The following RAD51 variants were observed in gnomAD, a reference collection of about 807,000 sequenced individuals.
The protein encoded by RAD51 is RAD51 recombinase, also known as DNA repair protein RAD51 homolog 1.
In RAD51, 14 loss-of-function variants were observed where a neutral mutation model predicts 41.5. That is an observed-to-expected ratio of 0.34 (90% CI 0.22 to 0.53). The LOEUF is 0.53. RAD51 is among the 20% of genes least tolerant of loss of function. RAD51 has a pLI of 0.95. For missense variants in RAD51, 234 were observed against 422.0 expected, an observed-to-expected ratio of 0.55 and a Z score of 3.90; for synonymous variants, 136 against 148.6, an observed-to-expected ratio of 0.92 and a Z score of 0.62.
intron 8 of RAD51, 82 bp downstream of exon 8, chr15:40,729,716 A>T: frequency 1.2e-6 from 2 of 1,609,880 alleles, no homozygotes; most frequent in Non-Finnish European, 1.7e-6. Context: ...CTAAGACATC[A>T]GTGCCTGAGA....
chr15:40,700,713 A>G (rs1290115039), intron 2 of RAD51, among the ~76,000 whole-genome samples: 1 of 152,210 alleles, frequency 6.6e-6, no homozygotes, highest in African/African-American at 2.4e-5. Context: ...GCTTTTGCAT[A>G]TAATAACAGT....
intron 6 of RAD51, among the ~76,000 whole-genome samples, chr15:40,727,891 A>T (rs1896667834): frequency 7.5e-6 from 1 of 133,048 alleles, no homozygotes. Flanking sequence ...ATGGAATCTC[A>T]CTCTGTCACC....
At chr15:40,721,120 T>C (rs1442849077) in intron 6 of RAD51, among the ~76,000 whole-genome samples, 1 of 152,192 alleles carries the variant, frequency 6.6e-6, no homozygotes, top group African/African-American at 2.4e-5. Flanking sequence ...GAGGCAGAAG[T>C]TGCAGTGACC....
intron 5 of RAD51, among the ~76,000 whole-genome samples, chr15:40,709,371 C>CTTTTTTT (rs772005920): frequency 2.7e-5 from 3 of 110,890 alleles, no homozygotes; most frequent in Non-Finnish European, 5.3e-5. Context: ...TTACTTGCTA[C>CTTTTTTT]TTTTTTTTTT....
At chr15:40,728,411 C>T (rs992881595) in intron 6 of RAD51, among the ~76,000 whole-genome samples, 6 of 151,818 alleles carry the variant, frequency 4.0e-5, no homozygotes, top group Admixed American at 1.3e-4. Context: ...GAGATCACGC[C>T]GCTGCACTCC....
At chr15:40,722,338 G>A (rs1384608858) in intron 6 of RAD51, among the ~76,000 whole-genome samples, 1 of 151,932 alleles carries the variant, frequency 6.6e-6, no homozygotes, top group Non-Finnish European at 1.5e-5. Context: ...GCTTGAACCT[G>A]GGAGGTGGAG....
At chr15:40,698,182 A>G (rs1255747773) in intron 1 of RAD51, among the ~76,000 whole-genome samples, 1 of 131,150 alleles carries the variant, frequency 7.6e-6, no homozygotes, top group Non-Finnish European at 1.8e-5. Context: ...TATGAGATGA[A>G]CTTTTTTTTT....
intron 6 of RAD51, among the ~76,000 whole-genome samples, chr15:40,726,342 C>T (rs1241985763): frequency 6.6e-6 from 1 of 150,758 alleles, no homozygotes; most frequent in Non-Finnish European, 1.5e-5. Context: ...ACCTCCGCCT[C>T]TCGGGTTCAA....
chr15:40,708,924 C>G, intron 4 of RAD51, 101 bp from the exon 5 acceptor site: 1 of 1,092,098 alleles, frequency 9.2e-7, no homozygotes, highest in Non-Finnish European at 1.4e-6. Flanking sequence ...GAATTTTTAA[C>G]TTACATAAAC....
At chr15:40,726,040 C>T (rs1296089654) in intron 6 of RAD51, among the ~76,000 whole-genome samples, 1 of 152,040 alleles carries the variant, frequency 6.6e-6, no homozygotes. Flanking sequence ...CTGATGCTTG[C>T]TAAAGTTTGA....
chr15:40,721,736 C>G (rs1896282084), intron 6 of RAD51, among the ~76,000 whole-genome samples: 2 of 152,146 alleles, frequency 1.3e-5, no homozygotes, highest in South Asian at 4.1e-4. Context: ...TAGACCCTTA[C>G]TATATACCAC....
Position 40,731,079 on chromosome 15 carries a change from G to A in RAD51, c.921G>A (p.Gly307=), listed in dbSNP as rs765770708. 6.8e-6 allele frequency: 11 copies of A among 1,613,954 alleles called. No individual in the cohort carries two copies. The highest frequency in any genetic ancestry group is 6.6e-5 in the South Asian group (6 of 91,086). The part of the protein sequence containing the change: ...TTRLYLRKGR[G]ETRICKIYDS... Reference sequence around the variant, plus strand: ...GATTGTATCTGAGGAAAGGAAGAGGGGAAACCAGAATCTGCAAAATCTACG... The same window carrying A: ...GATTGTATCTGAGGAAAGGAAGAGGAGAAACCAGAATCTGCAAAATCTACG... Residue 307 remains glycine (G), a synonymous_variant, in exon 10 of 10, where the codon GGG becomes GGA. Transcript: ENST00000267868.
intron 1 of RAD51, 21 bp from the exon 2 acceptor site, chr15:40,698,736 A>G (rs373708494): frequency 1.2e-6 from 2 of 1,601,910 alleles, no homozygotes; most frequent in Non-Finnish European, 1.7e-6. Flanking sequence ...GTTTATACTG[A>G]TAAGCATTTG....
chr15:40,732,236 G>A lies in RAD51; in HGVS notation c.*1058G>A. Reference sequence around the variant, plus strand: ...CATAATCTTTTTGGCACTGTATAGGGGTGATCAGTTTCTGTTGCTTCAAGA... The same window carrying A: ...CATAATCTTTTTGGCACTGTATAGGAGTGATCAGTTTCTGTTGCTTCAAGA... On this transcript the variant is annotated 3_prime_UTR_variant, in exon 10 of 10. Coordinates refer to ENST00000267868, the MANE Select transcript of RAD51 (RefSeq NM_002875.5). 1 of 180,176 alleles carries A rather than the reference G, an allele frequency of 5.6e-6. No homozygotes were observed. The highest frequency in any genetic ancestry group is 1.2e-5 in the Non-Finnish European group (1 of 84,304). The allele number at this position is 180,176 out of a possible 1,614,324, so 11.2% of individuals were successfully genotyped here.
chr15:40,726,894 CAG>C, intron 6 of RAD51, among the ~76,000 whole-genome samples: 3 of 140,044 alleles, frequency 2.1e-5, no homozygotes, highest in East Asian at 4.4e-4. Context: ...GCCTGGGCGA[CAG>C]AGTGAGACTC....
At chr15:40,729,433 A>T in intron 7 of RAD51, 72 bp from the exon 8 acceptor site, 3 of 1,274,652 alleles carry the variant, frequency 2.4e-6, no homozygotes, top group Non-Finnish European at 2.2e-6. Context: ...ATGAGATTTT[A>T]GGGTGGTAAG....
At position 40,729,563 on chromosome 15, in the gene RAD51, C is replaced by A. The variant is rs2141882329; in HGVS notation, c.703C>A (p.Arg235=). Residue 235 remains arginine (R), a synonymous_variant, in exon 8 of 10, where the codon CGA becomes AGA. Coordinates refer to ENST00000267868, the MANE Select transcript of RAD51 (RefSeq NM_002875.5). ...TALYRTDYSG[R]GELSARQMHL... is the part of the protein sequence containing the mutation. ...CCTTTACAGAACAGACTACTCGGGT[C>A]GAGGTGAGCTTTCAGCCAGGCAGAT... 1.9e-6 allele frequency: 3 copies of A among 1,613,916 alleles called. No individual in the cohort carries two copies. Among genetic ancestry groups the A allele is most frequent in the South Asian group, 2.2e-5 (2 of 91,038 alleles).
At chr15:40,722,240 C>T (rs1295456225) in intron 6 of RAD51, among the ~76,000 whole-genome samples, 2 of 151,928 alleles carry the variant, frequency 1.3e-5, no homozygotes, top group African/African-American at 4.8e-5. Context: ...GGTGAATCCC[C>T]GTCACTACTA....
At chr15:40,708,381 C>A (rs748283147) in intron 4 of RAD51, among the ~76,000 whole-genome samples, 1 of 151,668 alleles carries the variant, frequency 6.6e-6, no homozygotes, top group Admixed American at 6.6e-5. Context: ...GTGCCCATCA[C>A]CAGTTCCAGC....
Sources: gnomAD v4.1 joint callset for allele counts (sites outside exome capture counted in the v4.1 genomes callset) on GRCh38, gnomAD v4.1.1 for gene constraint, MANE v1.5 for transcripts, NCBI Gene and HGNC (gene_info 2026-07-23, HGNC 2026-07-21) for gene names.